DNAJC24: variants seen among roughly 807,000 people sequenced by gnomAD.
DNAJC24 encodes DnaJ heat shock protein family (Hsp40) member C24, also known as dnaJ homolog subfamily C member 24.
In DNAJC24, 17 loss-of-function variants were observed where a neutral mutation model predicts 18.0. The observed-to-expected ratio is 0.94, with a 90% CI of 0.65 to 1.42. The LOEUF is 1.42. Ranked by LOEUF, DNAJC24 falls within the 40% of genes most tolerant of loss-of-function variation. DNAJC24 has a pLI of 0.00. For missense variants in DNAJC24, 158 were observed against 175.6 expected (o/e 0.90, Z 0.57); for synonymous variants, 55 against 57.7 (o/e 0.95, Z 0.21).
At chr11:31,403,965 C>A (rs548843140) in intron 2 of DNAJC24, among the ~76,000 whole-genome samples, 6 of 152,304 alleles carry the variant, frequency 3.9e-5, no homozygotes, top group African/African-American at 1.4e-4. Flanking sequence ...ATGGTTATTT[C>A]TTGATTATAT....
At chr11:31,388,422 T>G (rs1475846369) in intron 2 of DNAJC24, among the ~76,000 whole-genome samples, 1 of 152,226 alleles carries the variant, frequency 6.6e-6, no homozygotes, top group Non-Finnish European at 1.5e-5. Flanking sequence ...GGCACCAGCC[T>G]TCCCAGTGGA....
At chr11:31,382,461 A>G (rs1952385873) in intron 2 of DNAJC24, among the ~76,000 whole-genome samples, 1 of 152,224 alleles carries the variant, frequency 6.6e-6, no homozygotes, top group Admixed American at 6.5e-5. Context: ...CATTTAAAGA[A>G]TCATGCAGGG....
At chr11:31,414,743 A>G (rs1952737977) in intron 2 of DNAJC24, 68 bp from the exon 3 acceptor site, 3 of 1,484,046 alleles carry the variant, frequency 2.0e-6, no homozygotes, top group Non-Finnish European at 1.8e-6. Context: ...CAGATTTACA[A>G]TTTTTTTAAA....
chr11:31,394,714 T>G (rs1952528774), intron 2 of DNAJC24, among the ~76,000 whole-genome samples: 1 of 152,034 alleles, frequency 6.6e-6, no homozygotes, highest in South Asian at 2.1e-4. Flanking sequence ...AAATACAATT[T>G]ATAGTATTAA....
chr11:31,383,009 G>A (rs902777281), intron 2 of DNAJC24, among the ~76,000 whole-genome samples: 4 of 152,106 alleles, frequency 2.6e-5, no homozygotes, highest in African/African-American at 7.2e-5. Flanking sequence ...TCATTACAAA[G>A]GATATTTTGA....
In DNAJC24 at chr11:31,432,289, A is replaced by C; in HGVS notation, c.*1888A>C. 1 of 480,328 alleles carries C rather than the reference A, an allele frequency of 2.1e-6. No individual in the cohort carries two copies. 29.8% of individuals were successfully genotyped at this position (480,328 alleles called of 1,614,324 possible). ...TCCCACAATATTTTTGTATCATAAA[A>C]TTTAGATGACTTTTTTGGGTTACAT... On this transcript the variant is annotated 3_prime_UTR_variant, in exon 5 of 5. Transcript: ENST00000465995.
At chr11:31,370,623 G>A in intron 1 of DNAJC24, 93 bp from the exon 2 acceptor site, 1 of 524,284 alleles carries the variant, frequency 1.9e-6, no homozygotes, top group South Asian at 3.9e-5. Flanking sequence ...TGATTTACTC[G>A]ACTAAATACT....
At chr11:31,398,618 GTT>G (rs1490398106) in intron 2 of DNAJC24, among the ~76,000 whole-genome samples, 1 of 152,164 alleles carries the variant, frequency 6.6e-6, no homozygotes, top group Non-Finnish European at 1.5e-5. Flanking sequence ...CTCATATCTT[GTT>G]TACTGTTTTT....
intron 3 of DNAJC24, 187 bp downstream of exon 3, chr11:31,415,136 T>A: frequency 3.7e-6 from 2 of 534,542 alleles, no homozygotes; most frequent in South Asian, 4.1e-5. Context: ...ATTGAGAAGT[T>A]AACAAAACTA....
At chr11:31,407,768 C>T (rs780898599) in intron 2 of DNAJC24, among the ~76,000 whole-genome samples, 35 of 147,296 alleles carry the variant, frequency 2.4e-4, no homozygotes, top group Non-Finnish European at 4.5e-4. Context: ...AGAATTTTCA[C>T]ACTGCATTGT....
At chr11:31,379,460 T>G (rs543771455) in intron 2 of DNAJC24, among the ~76,000 whole-genome samples, 2 of 152,294 alleles carry the variant, frequency 1.3e-5, no homozygotes, top group Non-Finnish European at 2.9e-5. Flanking sequence ...GCCAAAAAGG[T>G]TGGGGACCGC....
intron 2 of DNAJC24, among the ~76,000 whole-genome samples, chr11:31,406,696 G>A (rs905002791): frequency 3.9e-5 from 6 of 152,194 alleles, no homozygotes; most frequent in African/African-American, 1.4e-4. Context: ...AAGCAGGTAA[G>A]ATGGATTGGA....
chr11:31,426,928 T>G (rs1264458817), intron 4 of DNAJC24: 1 of 152,024 alleles, frequency 6.6e-6, no homozygotes, highest in African/African-American at 2.4e-5. Flanking sequence ...GTTATTAAAA[T>G]TTTAGAACTT....
chr11:31,398,965 T>G (rs561060684), intron 2 of DNAJC24, among the ~76,000 whole-genome samples: 1 of 152,300 alleles, frequency 6.6e-6, no homozygotes, highest in Admixed American at 6.5e-5. Flanking sequence ...GTACCCTCCC[T>G]ACTGCTAATC....
rs1952915819 is a variant in DNAJC24, at chr11:31,430,865, G to C, written c.*464G>C. Reference sequence around the variant, plus strand: ...TGAGGCCAGTTCTTCCATAAGGAAGGCTGGTTATGGATATTCATAAGGTTA... The same window carrying C: ...TGAGGCCAGTTCTTCCATAAGGAAGCCTGGTTATGGATATTCATAAGGTTA... On this transcript the variant is annotated 3_prime_UTR_variant, in exon 5 of 5. Transcript: ENST00000465995. The C allele has an allele frequency of 6.6e-6, 1 of 152,578 alleles. No individual in the cohort carries two copies. The highest frequency in any genetic ancestry group is 6.5e-5 in the Admixed American group (1 of 15,274). The allele number at this position is 152,578 out of a possible 1,614,324, so 9.5% of individuals were successfully genotyped here.
rs149453425 is a variant in DNAJC24, at chr11:31,408,766, G to T, written c.112-6045G>T. ...ATGAATGATATGGTAATTTAAAGAAGAATTTAAGTTTATGTAATTGAAAAT... is the reference window on the plus strand; with the variant it reads ...ATGAATGATATGGTAATTTAAAGAATAATTTAAGTTTATGTAATTGAAAAT... On this transcript the variant is annotated intron_variant, in intron 2 of 4. Coordinates refer to ENST00000465995, the MANE Select transcript of DNAJC24 (RefSeq NM_181706.5). Among the ~76,000 whole-genome samples the T allele has an allele frequency of 2.2e-3, 337 of 152,160 alleles. 4 individuals carry two copies. The highest frequency in any genetic ancestry group is 7.3e-3 in the African/African-American group (303 of 41,514).
At chr11:31,386,759 T>C (rs1952434314) in intron 2 of DNAJC24, among the ~76,000 whole-genome samples, 1 of 152,154 alleles carries the variant, frequency 6.6e-6, no homozygotes, top group African/African-American at 2.4e-5. Context: ...GGATACCAGC[T>C]TCGCTACAGT....
chr11:31,396,121 G>A (rs905658923), intron 2 of DNAJC24, among the ~76,000 whole-genome samples: 2 of 152,286 alleles, frequency 1.3e-5, no homozygotes, highest in South Asian at 2.1e-4. Flanking sequence ...GGTGACTACC[G>A]AAGTGGCCAG....
chr11:31,406,787 G>A (rs1304166136), intron 2 of DNAJC24, among the ~76,000 whole-genome samples: 3 of 152,114 alleles, frequency 2.0e-5, no homozygotes, highest in African/African-American at 7.2e-5. Context: ...GAATAGAAAG[G>A]AAATTATGTA....
Sources: gnomAD v4.1 joint callset for allele counts (sites outside exome capture counted in the v4.1 genomes callset) on GRCh38, gnomAD v4.1.1 for gene constraint, MANE v1.5 for transcripts, NCBI Gene and HGNC (gene_info 2026-07-23, HGNC 2026-07-21) for gene names.